ABCA3: variants seen among roughly 807,000 people sequenced by gnomAD.
The protein encoded by ABCA3 is ATP binding cassette subfamily A member 3.
A neutral mutation model predicts 172.8 loss-of-function variants in ABCA3; 88 were observed. The ratio of observed to expected loss-of-function variants is 0.51; its 90% CI spans 0.43 to 0.61. The LOEUF (loss-of-function observed/expected upper bound fraction) is 0.61. Among genes scored for constraint, ABCA3 ranks in the 20% least tolerant of loss-of-function variants. The pLI is 0.00. For synonymous variants in ABCA3, 1,066 were observed against 983.8 expected, an observed-to-expected ratio of 1.08 and a Z score of -1.56; for missense variants, 2,164 against 2,301.0, an observed-to-expected ratio of 0.94 and a Z score of 1.22.
chr16:2,293,924 T>C (rs1180369926), intron 18 of ABCA3, among the ~76,000 whole-genome samples: 3 of 152,056 alleles, frequency 2.0e-5, no homozygotes, highest in Non-Finnish European at 4.4e-5. Context: ...CCTTGGCTTC[T>C]GAAAGTGTTG....
intron 12 of ABCA3, among the ~76,000 whole-genome samples, chr16:2,301,210 G>C (rs1276192398): frequency 5.0e-5 from 7 of 140,460 alleles, no homozygotes; most frequent in Middle Eastern, 3.6e-3. Flanking sequence ...CAGCCTGGGC[G>C]ACAGAGCGAG....
chr16:2,281,176 G>T lies in ABCA3; in HGVS notation c.4210C>A (p.Leu1404Ile). 1 of 1,613,716 alleles carries T rather than the reference G, an allele frequency of 6.2e-7. No homozygotes were observed. Among genetic ancestry groups the T allele is most frequent in the South Asian group, 1.1e-5 (1 of 91,090 alleles). Residue 1404 changes from leucine (L) to isoleucine (I), a missense_variant, in exon 28 of 33, where the codon CTC (leucine) becomes ATC (isoleucine). Physicochemically the swap from Leu to Ile is conservative, Grantham distance 5 (BLOSUM62 2). Around this residue, in one of 3 missense-constraint regions of ABCA3, gnomAD observed 795 missense variants for 881.9 expected, o/e 0.90. Coordinates refer to ENST00000301732, the MANE Select transcript of ABCA3 (RefSeq NM_001089.3). The surrounding 1 kb of genome is among the most constrained non-coding windows in gnomAD (Gnocchi z 4.7). The part of the protein sequence containing the change: ...VPLLAVDRLS[L>I]AVQKGECFGL... ...AAGCACTCCCCTTTCTGCACCGCGA[G>T]GGAGAGCCTGTCCACGGCCAGGAGG...
At position 2,326,409 on chromosome 16, in the gene ABCA3, G is replaced by A. The variant is rs551691634; in HGVS notation, c.54+4C>T. 3.7e-6 allele frequency: 6 copies of A among 1,612,640 alleles called. No individual in the cohort carries two copies. The highest frequency in any genetic ancestry group is 5.1e-6 in the Non-Finnish European group (6 of 1,179,606). ...GCTGACCTCCCTCCAGAGTCTGGAC[G>A]CACCTGCAGGGTGTAGTTCTTCCAG... is the stretch of plus-strand genomic sequence containing the variant. On this transcript the variant is annotated splice_donor_region_variant and intron_variant, in intron 4 of 32. Transcript: ENST00000301732.
At chr16:2,319,539 G>A (rs749567436) in intron 8 of ABCA3, 42 bp downstream of exon 8, 17 of 1,602,562 alleles carry the variant, frequency 1.1e-5, no homozygotes, top group Non-Finnish European at 1.4e-5. Context: ...CCCCAGGACA[G>A]CGCGGTTTCT....
intron 18 of ABCA3, 129 bp downstream of exon 18, chr16:2,295,461 G>GGGT: frequency 1.4e-6 from 2 of 1,393,270 alleles, no homozygotes; most frequent in Non-Finnish European, 1.0e-6. Flanking sequence ...CCCAGGCTGA[G>GGGT]GGTCTAAGAG....
rs58682966 is a variant in ABCA3 at position 2,308,196 on chromosome 16, TG to T, written c.1285+253del. Among the ~76,000 whole-genome samples the T allele has an allele frequency of 0.16, 24,469 of 152,250 alleles. 2,090 individuals carry two copies. The highest frequency in any genetic ancestry group is 0.19 in the Non-Finnish European group (12,780 of 68,010). On this transcript the variant is annotated intron_variant, in intron 11 of 32. Coordinates refer to ENST00000301732, the MANE Select transcript of ABCA3 (RefSeq NM_001089.3). ...TCCAACCCTCTTGTCCTCCGAGCTT[TG>T]GGCTTCTTCGGCCCACTGCCCTGTG... is the stretch of plus-strand genomic sequence containing the variant.
At chr16:2,324,159 T>C (rs1391860935) in intron 6 of ABCA3, among the ~76,000 whole-genome samples, 1 of 152,194 alleles carries the variant, frequency 6.6e-6, no homozygotes, top group Non-Finnish European at 1.5e-5. Flanking sequence ...AGAAAGGAGC[T>C]TGGGGCGGCC....
rs1890915971 is a variant in ABCA3, at chr16:2,299,391, C to G, written c.1741+12G>C. 2 of 1,613,148 alleles carry G rather than the reference C, an allele frequency of 1.2e-6. No homozygotes were observed. The highest frequency in any genetic ancestry group is 3.3e-5 in the Admixed American group (2 of 60,008). ...CTGCTGGTGGCAGGGGCGTGAGGCGCCTGGCCCTCACCTGTGAGCATGGAG... is the reference window on the plus strand; with the variant it reads ...CTGCTGGTGGCAGGGGCGTGAGGCGGCTGGCCCTCACCTGTGAGCATGGAG... On this transcript the variant is annotated intron_variant, in intron 14 of 32. Coordinates refer to ENST00000301732, the MANE Select transcript of ABCA3 (RefSeq NM_001089.3).
At chr16:2,288,423 C>T in intron 20 of ABCA3, 94 bp from the exon 21 acceptor site, 2 of 1,403,044 alleles carry the variant, frequency 1.4e-6, no homozygotes, top group Non-Finnish European at 1.9e-6. Context: ...TGTGTGACGC[C>T]AGCCTGGGGG....
intron 12 of ABCA3, among the ~76,000 whole-genome samples, chr16:2,303,263 T>TC (rs1169134078): frequency 1.3e-5 from 2 of 149,664 alleles, no homozygotes; most frequent in Admixed American, 6.7e-5. Context: ...TTTTTTTCTC[T>TC]CTTTTTTTTT....
intron 19 of ABCA3, among the ~76,000 whole-genome samples, chr16:2,290,602 G>C (rs161424): frequency 0.9 from 136,645 of 152,232 alleles, 61,495 homozygotes; most frequent in East Asian, 1. Flanking sequence ...GTTTCTTTCT[G>C]TTATGTTCAT....
intron 3 of ABCA3, among the ~76,000 whole-genome samples, chr16:2,327,845 T>C (rs1596867850): frequency 6.6e-6 from 1 of 152,176 alleles, no homozygotes; most frequent in African/African-American, 2.4e-5. Flanking sequence ...CCCAGCCTCC[T>C]GAGTAACTGG....
At chr16:2,325,288 T>C (rs551332307) in intron 5 of ABCA3, among the ~76,000 whole-genome samples, 1 of 152,274 alleles carries the variant, frequency 6.6e-6, no homozygotes, top group African/African-American at 2.4e-5. Flanking sequence ...CAGGCATCCC[T>C]GTAAAGTCCT....
In ABCA3 at chr16:2,288,096, C is replaced by T. The variant is rs1295774854; in HGVS notation, c.2934G>A (p.Leu978=). Reference sequence around the variant, plus strand: ...TCAGATGCTCTGACAGCTGCTGACCCAGCTGGGAGGTCCCGGGAACTGAGA... The same window carrying T: ...TCAGATGCTCTGACAGCTGCTGACCTAGCTGGGAGGTCCCGGGAACTGAGA... ...VPFSVPGTSQ[L]GQQLSEHLKD... Residue 978 remains leucine (L), a synonymous_variant, in exon 21 of 33, where the codon CTG becomes CTA. Transcript: ENST00000301732. The T allele has an allele frequency of 6.2e-7, 1 of 1,613,650 alleles. No individual in the cohort carries two copies. Among genetic ancestry groups the T allele is most frequent in the South Asian group, 1.1e-5 (1 of 91,066 alleles).
At chr16:2,293,329 G>A (rs1488185081) in intron 18 of ABCA3, among the ~76,000 whole-genome samples, 2 of 149,904 alleles carry the variant, frequency 1.3e-5, no homozygotes, top group Non-Finnish European at 3.0e-5. Flanking sequence ...GGGATTACAG[G>A]CAATGAGCTA....
chr16:2,301,591 T>TC (rs1355039241), intron 12 of ABCA3, among the ~76,000 whole-genome samples: 2 of 151,770 alleles, frequency 1.3e-5, no homozygotes, highest in African/African-American at 4.8e-5. Flanking sequence ...GTGCCTGTAA[T>TC]CCCAGCTACT....
At chr16:2,336,307 C>A (rs2093751606) in intron 1 of ABCA3, among the ~76,000 whole-genome samples, 1 of 152,176 alleles carries the variant, frequency 6.6e-6, no homozygotes, top group African/African-American at 2.4e-5. Flanking sequence ...CAAGGGCCCT[C>A]AGATGATGGG....
chr16:2,297,876 T>C lies in ABCA3; in HGVS notation c.1942A>G (p.Met648Val), dbSNP rs1252914261. ...RQKCPEEVKQ[M>V]LHIIGLEDKW... Reference sequence around the variant, plus strand: ...TCCTCCAGGCCGATGATGTGCAGCATCTGCTTGACTTCTTCAGGGCACTTC... The same window carrying C: ...TCCTCCAGGCCGATGATGTGCAGCACCTGCTTGACTTCTTCAGGGCACTTC... Residue 648 changes from methionine (M) to valine (V), a missense_variant, in exon 16 of 33, where the codon ATG becomes GTG. Coordinates refer to ENST00000301732, the MANE Select transcript of ABCA3 (RefSeq NM_001089.3). The surrounding 1 kb of genome is among the most constrained non-coding windows in gnomAD (Gnocchi z 5.6). The C allele has an allele frequency of 1.2e-6, 2 of 1,613,860 alleles. No homozygotes were observed. The highest frequency in any genetic ancestry group is 2.2e-5 in the South Asian group (2 of 91,086).
intron 10 of ABCA3, among the ~76,000 whole-genome samples, chr16:2,311,841 G>A (rs920195840): frequency 1.3e-5 from 2 of 152,048 alleles, no homozygotes; most frequent in African/African-American, 4.8e-5. Context: ...ATTTTTAGTA[G>A]AGACAGGGTT....
Sources: allele counts gnomAD v4.1 joint callset (sites outside exome capture counted in the v4.1 genomes callset), GRCh38; gene constraint gnomAD v4.1.1; regional missense constraint gnomAD v4.1.1; non-coding constraint Gnocchi (gnomAD v3.1); transcripts MANE v1.5; gene names NCBI Gene and HGNC (gene_info 2026-07-23, HGNC 2026-07-21).